The following MAPK6 variants were observed in gnomAD, a reference collection of about 807,000 sequenced individuals.
MAPK6 encodes the protein ERK-3.
A neutral mutation model predicts 59.3 loss-of-function variants in MAPK6; 19 were observed. That is an observed-to-expected ratio of 0.32 (90% CI 0.22 to 0.47). The LOEUF (loss-of-function observed/expected upper bound fraction) is 0.47. Ranked by LOEUF, MAPK6 falls within the 20% of genes least tolerant of loss-of-function variation. The probability of loss-of-function intolerance (pLI) is 1.00; values close to 1 mark genes in which losing one functional copy is unlikely to be tolerated. For synonymous variants in MAPK6, 316 were observed against 290.3 expected (o/e 1.09, Z -0.90); for missense variants, 724 against 847.9 (o/e 0.85, Z 1.81).
intron 5 of MAPK6, among the ~76,000 whole-genome samples, chr15:52,062,550 T>C (rs2032244354): frequency 6.6e-6 from 1 of 151,882 alleles, no homozygotes; most frequent in Admixed American, 6.6e-5. Context: ...CAATTACCTG[T>C]GGTCAGGAGT....
chr15:52,027,543 G>T (rs1308444407), intron 1 of MAPK6: 2 of 148,640 alleles, frequency 1.3e-5, no homozygotes, highest in Non-Finnish European at 3.0e-5. Flanking sequence ...GCCTTGCTTT[G>T]TTCATGTTGT....
chr15:51,988,614 C>T (rs991621214), intron 2 of MAPK6, among the ~76,000 whole-genome samples: 8 of 151,950 alleles, frequency 5.3e-5, no homozygotes, highest in African/African-American at 1.7e-4. Context: ...CACCTGTAGT[C>T]CCAGCTACTC....
At chr15:51,979,797 A>C (rs2057168000) in intron 1 of MAPK6, among the ~76,000 whole-genome samples, 2 of 151,570 alleles carry the variant, frequency 1.3e-5, no homozygotes, top group African/African-American at 2.4e-5. Flanking sequence ...CTGTCTCCAA[A>C]AAATAAAAGT....
chr15:52,014,834 C>T (rs530585816), upstream of MAPK6, among the ~76,000 whole-genome samples: 1 of 151,852 alleles, frequency 6.6e-6, no homozygotes, highest in Admixed American at 6.6e-5. Flanking sequence ...GTTACATAAC[C>T]AAGACAAAAG....
At chr15:52,045,469 A>T (rs549977956) in intron 1 of MAPK6, among the ~76,000 whole-genome samples, 2 of 152,354 alleles carry the variant, frequency 1.3e-5, no homozygotes, top group South Asian at 4.1e-4. Context: ...CTTCTTCTAT[A>T]TTCTTTTAGA....
At chr15:52,000,414 A>T (rs1461801938) in intron 2 of MAPK6, among the ~76,000 whole-genome samples, 1 of 152,146 alleles carries the variant, frequency 6.6e-6, no homozygotes, top group East Asian at 1.9e-4. Context: ...GCATTGACCC[A>T]TTTTGTGTTA....
chr15:52,054,897 C>A (rs1342905472), intron 3 of MAPK6, among the ~76,000 whole-genome samples: 1 of 152,154 alleles, frequency 6.6e-6, no homozygotes, highest in Non-Finnish European at 1.5e-5. Flanking sequence ...AAGCGACTCT[C>A]CTGCCTCAGC....
intron 1 of MAPK6, 88 bp downstream of exon 1, chr15:52,019,464 G>GGCT (rs2030409969): frequency 6.8e-6 from 1 of 147,604 alleles, no homozygotes; most frequent in African/African-American, 2.4e-5. Context: ...CGGCGGCGGC[G>GGCT]GCGACGGCGG....
rs543102491 is a variant in MAPK6 at position 51,983,287 on chromosome 15, G to A, written c.-798G>A. On this transcript the variant is annotated 5_prime_UTR_variant, in exon 2 of 8. Coordinates refer to the MAPK6 transcript ENST00000691380. ...AGATCACCTGAGGTCGGGAGTTCGA[G>A]ACCAGCCTGACCAACATGGAGAAAC... is the stretch of plus-strand genomic sequence containing the variant. Among the ~76,000 whole-genome samples the A allele has an allele frequency of 3.3e-5, 5 of 152,024 alleles. No individual in the cohort carries two copies. The South Asian group carries it at 1.0e-3, about 32-fold the overall frequency.
At chr15:52,043,409 T>C (rs1189878231) in intron 1 of MAPK6, among the ~76,000 whole-genome samples, 3 of 151,738 alleles carry the variant, frequency 2.0e-5, no homozygotes, top group African/African-American at 4.8e-5. Flanking sequence ...GCGATTCTCT[T>C]GCCTCAGCCT....
At chr15:52,063,760 G>A (rs950130549) in intron 5 of MAPK6, 142 bp from the exon 6 acceptor site, 2 of 547,442 alleles carry the variant, frequency 3.7e-6, no homozygotes, top group African/African-American at 3.9e-5. Flanking sequence ...ACTAAGTTCT[G>A]GTAGGGCAAG....
chr15:51,999,150 C>T (rs2057235117), intron 2 of MAPK6, among the ~76,000 whole-genome samples: 1 of 151,984 alleles, frequency 6.6e-6, no homozygotes, highest in African/African-American at 2.4e-5. Context: ...TGGGCCCCAC[C>T]ACCCCTGGCT....
intron 1 of MAPK6, among the ~76,000 whole-genome samples, chr15:51,974,501 A>T (rs2470590): frequency 0.43 from 64,078 of 148,346 alleles, 14,386 homozygotes; most frequent in Admixed American, 0.52. Context: ...AAAAATATTT[A>T]AAAAAAAGTT....
intron 2 of MAPK6, among the ~76,000 whole-genome samples, chr15:52,048,185 T>TG (rs981556240): frequency 1.3e-5 from 2 of 152,148 alleles, no homozygotes; most frequent in African/African-American, 4.8e-5. Flanking sequence ...GTTGTGCTCT[T>TG]GTCACCAAGG....
chr15:52,054,717 TAC>T (rs1412055912), intron 3 of MAPK6, among the ~76,000 whole-genome samples: 1 of 80,576 alleles, frequency 1.2e-5, no homozygotes. Flanking sequence ...AAAGTGTACA[TAC>T]ATATATCTAT....
intron 1 of MAPK6, among the ~76,000 whole-genome samples, chr15:52,027,477 A>C (rs1234592368): frequency 1.3e-5 from 2 of 151,304 alleles, no homozygotes; most frequent in Non-Finnish European, 2.9e-5. Flanking sequence ...TTAAGATTCC[A>C]ATCAGGCTTA....
At chr15:51,985,786 G>A (rs141176230) in intron 2 of MAPK6, among the ~76,000 whole-genome samples, 2,643 of 151,846 alleles carry the variant, frequency 0.017, 74 homozygotes, top group African/African-American at 0.06. Flanking sequence ...GTGAAACCCC[G>A]TCTTTACTAA....
At chr15:51,976,025 G>GGGA (rs1225572576) in intron 1 of MAPK6, among the ~76,000 whole-genome samples, 1 of 151,756 alleles carries the variant, frequency 6.6e-6, no homozygotes, top group African/African-American at 2.4e-5. Context: ...CCAGCACTTT[G>GGGA]GGAGGCCGAG....
At chr15:52,055,112 G>C (rs1183585422) in intron 3 of MAPK6, among the ~76,000 whole-genome samples, 1 of 152,192 alleles carries the variant, frequency 6.6e-6, no homozygotes, top group Non-Finnish European at 1.5e-5. Context: ...CCACAGTAAC[G>C]AGTCAGAAAA....
Sources: allele counts gnomAD v4.1 joint callset (sites outside exome capture counted in the v4.1 genomes callset), GRCh38; gene constraint gnomAD v4.1.1; transcripts MANE v1.5; gene names NCBI Gene and HGNC (gene_info 2026-07-23, HGNC 2026-07-21).